Variants in ITIH5 observed in about 807,000 individuals in gnomAD.
ITIH5 encodes inter-alpha-trypsin inhibitor heavy chain H5.
In ITIH5, 65 loss-of-function variants were observed where a neutral mutation model predicts 77.5. The ratio of observed to expected loss-of-function variants is 0.84; its 90% CI spans 0.69 to 1.03. The LOEUF (loss-of-function observed/expected upper bound fraction) is 1.03, where lower values mean the gene tolerates loss of function less well. Among genes scored for constraint, ITIH5 ranks in the 50% least tolerant of loss-of-function variants. The pLI, the probability that ITIH5 is intolerant of heterozygous loss-of-function variation, is 0.00. For missense variants in ITIH5, 1,208 were observed against 1,213.1 expected, an observed-to-expected ratio of 1.00 and a Z score of 0.06; for synonymous variants, 525 against 494.3, an observed-to-expected ratio of 1.06 and a Z score of -0.82.
intron 2 of ITIH5, among the ~76,000 whole-genome samples, chr10:7,644,874 C>CATATATATAACACATATATATATCACAT (rs1833979406): frequency 1.2e-5 from 1 of 80,642 alleles, no homozygotes; most frequent in Non-Finnish European, 2.3e-5. Flanking sequence ...ATATATATCA[C>CATATATATAACACATATATATATCACAT]ATATATATAT....
chr10:7,581,778 T>C (rs1832560680), intron 8 of ITIH5, among the ~76,000 whole-genome samples: 1 of 146,138 alleles, frequency 6.8e-6, no homozygotes, highest in African/African-American at 2.5e-5. Context: ...CCCAGGCTGG[T>C]CTCGAACTCC....
At chr10:7,584,176 T>G (rs1832624656) in intron 8 of ITIH5, among the ~76,000 whole-genome samples, 1 of 152,208 alleles carries the variant, frequency 6.6e-6, no homozygotes, top group South Asian at 2.1e-4. Flanking sequence ...AGAAGCAGGC[T>G]GATCTGCTGT....
At chr10:7,586,891 C>T (rs377236285) in intron 7 of ITIH5, among the ~76,000 whole-genome samples, 17 of 151,936 alleles carry the variant, frequency 1.1e-4, no homozygotes, top group Middle Eastern at 3.4e-3. Flanking sequence ...AATGCAGTGG[C>T]GCGATCTCAG....
rs143904899 is a variant in ITIH5 at position 7,625,055 on chromosome 10, C to T, written c.653-7773G>A. On this transcript the variant is annotated intron_variant, in intron 5 of 13. Coordinates refer to ENST00000397146, the MANE Select transcript of ITIH5 (RefSeq NM_030569.7). The stretch of plus-strand genomic sequence containing the variant: ...AGCCAAGGAATATGAGATTGAGAGA[C>T]TTCTGTCAAATGCCTTTGCAGGGTT... Among the ~76,000 whole-genome samples the T allele has an allele frequency of 9.7e-4, 147 of 151,610 alleles. 2 individuals are homozygous for T. In the East Asian group the frequency reaches 0.027, roughly 28 times the overall value.
chr10:7,579,650 G>T, intron 9 of ITIH5, 105 bp downstream of exon 9: 3 of 1,139,154 alleles, frequency 2.6e-6, no homozygotes, highest in Non-Finnish European at 3.8e-6. Context: ...GTTGTCAGCA[G>T]ATGCAAGGCT....
chr10:7,636,217 C>T (rs1050412545), intron 5 of ITIH5, among the ~76,000 whole-genome samples: 1 of 152,124 alleles, frequency 6.6e-6, no homozygotes, highest in Non-Finnish European at 1.5e-5. Flanking sequence ...CTAGATTATA[C>T]TGTAGTTTTT....
chr10:7,653,643 A>G (rs890230704), intron 2 of ITIH5, among the ~76,000 whole-genome samples: 2 of 152,258 alleles, frequency 1.3e-5, no homozygotes, highest in Admixed American at 6.5e-5. Context: ...GAGTTCATCA[A>G]TAACAGAAAG....
intron 7 of ITIH5, among the ~76,000 whole-genome samples, chr10:7,610,087 T>G (rs562796498): frequency 0.015 from 1,318 of 85,312 alleles, 18 homozygotes; most frequent in African/African-American, 0.054. Flanking sequence ...TTTTTTTTTT[T>G]GGCTCTTCTC....
Position 7,623,619 on chromosome 10 carries a change from C to T in ITIH5, c.653-6337G>A, listed in dbSNP as rs532802889. 3.0e-3 allele frequency among the ~76,000 whole-genome samples: 459 copies of T among 151,804 alleles called. 3 individuals carry two copies. Among genetic ancestry groups the T allele is most frequent in the South Asian group, 7.9e-3 (38 of 4,798 alleles). On this transcript the variant is annotated intron_variant, in intron 5 of 13. Coordinates refer to ENST00000397146, the MANE Select transcript of ITIH5 (RefSeq NM_030569.7). ...GAGATCGAGACCATCCTGGATAACA[C>T]GGTGAAACCCCGTCTCTACTAAAAA...
intron 12 of ITIH5, among the ~76,000 whole-genome samples, chr10:7,568,381 G>A (rs1351495412): frequency 1.3e-5 from 2 of 152,194 alleles, no homozygotes; most frequent in African/African-American, 2.4e-5. Flanking sequence ...CAGCCTCAAA[G>A]TTCTAAGCAT....
chr10:7,626,059 T>A (rs1252147655), intron 5 of ITIH5, among the ~76,000 whole-genome samples: 1 of 152,142 alleles, frequency 6.6e-6, no homozygotes, highest in African/African-American at 2.4e-5. Context: ...GGAACTGATG[T>A]TTCTCTTCCC....
intron 8 of ITIH5, among the ~76,000 whole-genome samples, chr10:7,580,839 C>A (rs1393664503): frequency 6.6e-6 from 1 of 152,196 alleles, no homozygotes; most frequent in African/African-American, 2.4e-5. Flanking sequence ...TCTCTCCTTT[C>A]TTTGCTTCCT....
intron 13 of ITIH5, 40 bp downstream of exon 13, chr10:7,565,990 T>G: frequency 6.3e-7 from 1 of 1,581,596 alleles, no homozygotes; most frequent in Middle Eastern, 2.0e-4. Flanking sequence ...AATGTAACTC[T>G]GCCCTCTATG....
intron 7 of ITIH5, among the ~76,000 whole-genome samples, chr10:7,589,057 A>C (rs1832740212): frequency 6.6e-6 from 1 of 152,202 alleles, no homozygotes; most frequent in African/African-American, 2.4e-5. Context: ...AAATCTGGGG[A>C]TCTCTTCCAA....
At chr10:7,656,730 C>G in intron 1 of ITIH5, among the ~76,000 whole-genome samples, 1 of 147,410 alleles carries the variant, frequency 6.8e-6, no homozygotes, top group Non-Finnish European at 1.5e-5. Flanking sequence ...TATGCCTAGA[C>G]TTCATGTCTA....
At chr10:7,631,158 A>G (rs1374343005) in intron 5 of ITIH5, among the ~76,000 whole-genome samples, 1 of 145,942 alleles carries the variant, frequency 6.9e-6, no homozygotes, top group East Asian at 1.9e-4. Flanking sequence ...TCACAAGGGG[A>G]TCTTCTTAAT....
rs2130937702 is a variant in ITIH5 at position 7,566,094 on chromosome 10, T to C, written c.2463A>G (p.Arg821=). 3 of 1,614,062 alleles carry C rather than the reference T, an allele frequency of 1.9e-6. No homozygotes were observed. In the East Asian group the frequency reaches 6.7e-5, roughly 36 times the overall value. The change falls in exon 13 of 14, where the codon CGA becomes CGG. Residue 821 remains arginine (R), a synonymous_variant. Transcript: ENST00000397146. ...TGGCAATGTAGAAACCCAGGTGGTGTCGCTGGAAGGGCGCCGGCTTTTTGT... is the reference window on the plus strand; with the variant it reads ...TGGCAATGTAGAAACCCAGGTGGTGCCGCTGGAAGGGCGCCGGCTTTTTGT... ...HLYKKPAPFQ[R]HHLGFYIANS...
intron 5 of ITIH5, chr10:7,621,982 C>T (rs1833481280): frequency 6.6e-6 from 1 of 152,236 alleles, no homozygotes; most frequent in Admixed American, 6.5e-5. Context: ...CGTGTTCTCT[C>T]CTTCTTGCCC....
intron 7 of ITIH5, among the ~76,000 whole-genome samples, chr10:7,597,910 T>G: frequency 6.6e-6 from 1 of 152,218 alleles, no homozygotes; most frequent in Admixed American, 6.5e-5. Context: ...ATCAGATTTT[T>G]TTTTTTTAAT....
Sources: gnomAD v4.1 joint callset for allele counts (sites outside exome capture counted in the v4.1 genomes callset) on GRCh38, gnomAD v4.1.1 for gene constraint, MANE v1.5 for transcripts, NCBI Gene and HGNC (gene_info 2026-07-23, HGNC 2026-07-21) for gene names.